The following LRIG1 variants were observed in gnomAD, a reference collection of about 807,000 sequenced individuals.
LRIG1 encodes leucine rich repeats and immunoglobulin like domains 1.
Under a neutral mutation model 99.2 loss-of-function variants are expected in LRIG1, and 48 were observed. The observed-to-expected ratio is 0.48, with a 90% CI of 0.38 to 0.62. The LOEUF (loss-of-function observed/expected upper bound fraction) is 0.62, where lower values mean the gene tolerates loss of function less well. Ranked by LOEUF, LRIG1 falls within the 20% of genes least tolerant of loss-of-function variation. The pLI, the probability that LRIG1 is intolerant of heterozygous loss-of-function variation, is 0.00. For synonymous variants in LRIG1, 772 were observed against 596.1 expected, an observed-to-expected ratio of 1.29 and a Z score of -4.30; for missense variants, 1,646 against 1,434.4, an observed-to-expected ratio of 1.15 and a Z score of -2.38.
chr3:66,444,989 G>A (rs1182077635), intron 3 of LRIG1, among the ~76,000 whole-genome samples: 1 of 151,508 alleles, frequency 6.6e-6, no homozygotes, highest in East Asian at 1.9e-4. Flanking sequence ...CCTCCCTGTT[G>A]TGCTGGTTTT....
chr3:66,385,449 A>G (rs1473647510), intron 13 of LRIG1, among the ~76,000 whole-genome samples: 1 of 124,662 alleles, frequency 8.0e-6, no homozygotes, highest in Non-Finnish European at 1.7e-5. Context: ...ATTTGACTTA[A>G]TAACTAGTTT....
intron 1 of LRIG1, among the ~76,000 whole-genome samples, chr3:66,465,357 A>ATTTTTTTTTTTTTTTTTTTTTTTTT (rs59148647): frequency 4.4e-5 from 3 of 67,728 alleles, no homozygotes; most frequent in Admixed American, 1.9e-4. Context: ...TCTGAGCATA[A>ATTTTTTTTTTTTTTTTTTTTTTTTT]TTTTTTTTTT....
chr3:66,489,156 A>G (rs1701042673), intron 1 of LRIG1, among the ~76,000 whole-genome samples: 1 of 152,278 alleles, frequency 6.6e-6, no homozygotes, highest in East Asian at 1.9e-4. Context: ...AGGGTCCCTC[A>G]TTGAGACTCT....
chr3:66,407,488 G>C lies in LRIG1; in HGVS notation c.939C>G (p.Val313=). 6.2e-7 allele frequency: 1 copy of C among 1,613,894 alleles called. No individual in the cohort carries two copies. Among genetic ancestry groups the C allele is most frequent in the Non-Finnish European group, 8.5e-7 (1 of 1,179,938 alleles). The change falls in exon 8 of 19, where the codon GTC becomes GTG. Residue 313 remains valine, a synonymous_variant. Transcript: ENST00000273261. ...WSFCQKLHEL[V]LSFNNLTRLD... is the part of the protein sequence containing the mutation. ...GCCGTGTCAGGTTGTTGAAGGACAG[G>C]ACCCTGAGGAAAGGGAGGGCAGCAA...
At chr3:66,451,536 G>T in intron 3 of LRIG1, 23 bp downstream of exon 3, 1 of 1,612,072 alleles carries the variant, frequency 6.2e-7, no homozygotes. Flanking sequence ...ACAGCCCAGA[G>T]TCCCCCAAAC....
intron 3 of LRIG1, among the ~76,000 whole-genome samples, chr3:66,427,173 T>C (rs1703010131): frequency 6.6e-6 from 1 of 152,258 alleles, no homozygotes; most frequent in Non-Finnish European, 1.5e-5. Context: ...CTGCCCATCA[T>C]GGTGCTGCAC....
intron 1 of LRIG1, among the ~76,000 whole-genome samples, chr3:66,470,233 T>G (rs1700566525): frequency 6.6e-6 from 1 of 152,198 alleles, no homozygotes; most frequent in African/African-American, 2.4e-5. Context: ...CCCTCTTTAT[T>G]CACCGGCAGT....
At chr3:66,398,791 T>C (rs1701948487) in intron 10 of LRIG1, among the ~76,000 whole-genome samples, 179 bp downstream of exon 10, 1 of 152,226 alleles carries the variant, frequency 6.6e-6, no homozygotes, top group African/African-American at 2.4e-5. Flanking sequence ...TCTGTAACTG[T>C]TCCTGGCATA....
chr3:66,401,714 G>A, intron 9 of LRIG1: 1 of 1,443,114 alleles, frequency 6.9e-7, no homozygotes, highest in Non-Finnish European at 9.3e-7. Context: ...CGGGATTATG[G>A]GCTGGGAGGA....
Position 66,414,900 on chromosome 3 carries a change from G to GTGTAGGTTTC in LRIG1, c.647+10_647+19dup, listed in dbSNP as rs1458353332. 6.4e-7 allele frequency: 1 copy of GTGTAGGTTTC among 1,562,142 alleles called. No individual in the cohort carries two copies. Among genetic ancestry groups the GTGTAGGTTTC allele is most frequent in the African/African-American group, 1.4e-5 (1 of 72,830 alleles). Reference sequence around the variant, plus strand: ...TAAAGTTTGGCTAGCCTTAATTAAAGTGTAGGTTTCTGTACTCACAGTTGT... The same window carrying GTGTAGGTTTC: ...TAAAGTTTGGCTAGCCTTAATTAAAGTGTAGGTTTCTGTAGGTTTCTGTACTCACAGTTGT... On this transcript the variant is annotated intron_variant, in intron 5 of 18. Coordinates refer to ENST00000273261, the MANE Select transcript of LRIG1 (RefSeq NM_015541.3).
At chr3:66,392,855 G>A (rs1369951728) in intron 12 of LRIG1, among the ~76,000 whole-genome samples, 1 of 152,198 alleles carries the variant, frequency 6.6e-6, no homozygotes, top group African/African-American at 2.4e-5. Flanking sequence ...ATGAACAATG[G>A]ATTATACAGC....
intron 3 of LRIG1, among the ~76,000 whole-genome samples, chr3:66,442,867 G>A (rs531283122): frequency 1.3e-5 from 2 of 152,068 alleles, no homozygotes; most frequent in Admixed American, 6.6e-5. Flanking sequence ...CCCCTTCCTC[G>A]GCTCCCCCAA....
Position 66,386,168 on chromosome 3 carries a change from A to G in LRIG1, c.1602T>C (p.Asn534=), listed in dbSNP as rs1575647364. The change falls in exon 13 of 19, where the codon AAT becomes AAC. Residue 534 remains asparagine (N), a synonymous_variant. Transcript: ENST00000273261. ...SPMTFAWKKD[N]EVLTNADMEN... ...CCATGTCTGCATTGGTCAGGACTTC[A>G]TTGTCTTTCTTCCAGGCAAAGGTCA... 33 of 1,613,920 alleles carry G rather than the reference A, an allele frequency of 2.0e-5. No homozygotes were observed. The highest frequency in any genetic ancestry group is 2.8e-5 in the Non-Finnish European group (33 of 1,180,000).
chr3:66,477,023 G>A (rs949997319), intron 1 of LRIG1, among the ~76,000 whole-genome samples: 7 of 152,222 alleles, frequency 4.6e-5, no homozygotes, highest in Admixed American at 1.3e-4. Flanking sequence ...TCTGTTGAGT[G>A]AGAGCAGGCA....
chr3:66,454,502 C>T (rs1026648164), intron 2 of LRIG1, among the ~76,000 whole-genome samples: 1 of 152,168 alleles, frequency 6.6e-6, no homozygotes, highest in African/African-American at 2.4e-5. Context: ...TCACCCCCTA[C>T]CCGCCAATTT....
chr3:66,433,278 A>G (rs1703240467), intron 3 of LRIG1, among the ~76,000 whole-genome samples: 1 of 152,116 alleles, frequency 6.6e-6, no homozygotes, highest in South Asian at 2.1e-4. Flanking sequence ...GTATCCTCTG[A>G]CTCCAGGCTG....
intron 2 of LRIG1, among the ~76,000 whole-genome samples, chr3:66,458,523 G>A (rs902812232): frequency 5.9e-5 from 9 of 152,034 alleles, no homozygotes; most frequent in Admixed American, 1.3e-4. Context: ...CCAACACGGC[G>A]AAATCCCATC....
intron 2 of LRIG1, among the ~76,000 whole-genome samples, chr3:66,460,771 C>T (rs1700337975): frequency 6.6e-6 from 1 of 152,174 alleles, no homozygotes; most frequent in Non-Finnish European, 1.5e-5. Flanking sequence ...ACTTCCTTTC[C>T]CCTGCCATGG....
chr3:66,434,263 C>CA (rs1703267895), intron 3 of LRIG1, among the ~76,000 whole-genome samples: 2 of 152,004 alleles, frequency 1.3e-5, no homozygotes, highest in African/African-American at 2.4e-5. Flanking sequence ...AAAACAACAA[C>CA]AAAAAACAAC....
Sources: allele counts gnomAD v4.1 joint callset (sites outside exome capture counted in the v4.1 genomes callset), GRCh38; gene constraint gnomAD v4.1.1; transcripts MANE v1.5; gene names NCBI Gene and HGNC (gene_info 2026-07-23, HGNC 2026-07-21).